The following RYR2 variants were observed in gnomAD, a reference collection of about 807,000 sequenced individuals.
The protein encoded by RYR2 is cardiac muscle ryanodine receptor-calcium release channel.
Under a neutral mutation model 601.1 loss-of-function variants are expected in RYR2, and 227 were observed. The ratio of observed to expected loss-of-function variants is 0.38; its 90% CI spans 0.34 to 0.42. RYR2 has a LOEUF of 0.42. Among genes scored for constraint, RYR2 ranks in the 10% least tolerant of loss-of-function variants. The pLI is 1.00. For missense variants in RYR2, 4,646 were observed against 6,156.5 expected (o/e 0.75, Z 8.21); for synonymous variants, 2,223 against 2,175.1 (o/e 1.02, Z -0.61).
At chr1:237,521,725 GA>G (rs11399117) in intron 24 of RYR2, among the ~76,000 whole-genome samples, 10,269 of 142,524 alleles carry the variant, frequency 0.072, 434 homozygotes, top group Middle Eastern at 0.19. Flanking sequence ...ATCTCAAAAA[GA>G]AAAAAAAAAT....
At chr1:237,201,576 T>G (rs904084491) in intron 1 of RYR2, among the ~76,000 whole-genome samples, 8 of 152,228 alleles carry the variant, frequency 5.3e-5, no homozygotes, top group Admixed American at 3.9e-4. Flanking sequence ...GTTTCAGTGC[T>G]TAGAGTAATT....
chr1:237,125,703 T>TA (rs1671333566), intron 1 of RYR2, among the ~76,000 whole-genome samples: 1 of 152,236 alleles, frequency 6.6e-6, no homozygotes, highest in African/African-American at 2.4e-5. Context: ...AAGTTCTTTG[T>TA]AAAAAACAAA....
At chr1:237,329,045 T>C (rs1696442380) in intron 2 of RYR2, among the ~76,000 whole-genome samples, 1 of 152,220 alleles carries the variant, frequency 6.6e-6, no homozygotes, top group Non-Finnish European at 1.5e-5. Flanking sequence ...ATTAATAACT[T>C]ACGGTTCTAA....
intron 2 of RYR2, among the ~76,000 whole-genome samples, chr1:237,309,575 G>A (rs919225276): frequency 6.6e-6 from 1 of 152,234 alleles, no homozygotes. Flanking sequence ...TCACCTACTG[G>A]ATCCCACACA....
rs569674647 is a variant in RYR2 at position 237,042,222 on chromosome 1, T to C, written c.-300T>C. On this transcript the variant is annotated 5_prime_UTR_variant, in exon 1 of 105. Transcript: ENST00000366574. ...AGCCGGGGCCGAGCGGACCGCCGGC[T>C]GCAGGCAGCGAGCGCGGCTGGGCTG... 255 of 160,048 alleles carry C rather than the reference T, an allele frequency of 1.6e-3. 1 individual carries two copies. The highest frequency in any genetic ancestry group is 2.7e-3 in the Non-Finnish European group (199 of 73,760). 9.9% of individuals were successfully genotyped at this position (160,048 alleles called of 1,614,324 possible).
chr1:237,701,329 G>C (rs1312591728), intron 65 of RYR2, among the ~76,000 whole-genome samples: 1 of 152,136 alleles, frequency 6.6e-6, no homozygotes, highest in Non-Finnish European at 1.5e-5. Context: ...TCAGGAGTTC[G>C]AGACCAGCCT....
At chr1:237,080,094 G>A (rs1665443765) in intron 1 of RYR2, among the ~76,000 whole-genome samples, 2 of 76,094 alleles carry the variant, frequency 2.6e-5, no homozygotes, top group South Asian at 5.3e-4. Context: ...AGCTGAAACT[G>A]GATCCCTTCC....
At chr1:237,214,047 G>A (rs958444791) in intron 1 of RYR2, among the ~76,000 whole-genome samples, 8 of 149,634 alleles carry the variant, frequency 5.3e-5, no homozygotes, top group Admixed American at 4.0e-4. Flanking sequence ...CAGTCTCCCA[G>A]GTAGCTGGGA....
In RYR2 at chr1:237,708,880, T is replaced by G; in HGVS notation, c.9924T>G (p.Asn3308Lys). Residue 3308 changes from asparagine to lysine, a missense_variant, in exon 69 of 105, where the codon AAT becomes AAG. Physicochemically the swap from Asn to Lys is moderately conservative, Grantham distance 94. Coordinates refer to ENST00000366574, the MANE Select transcript of RYR2 (RefSeq NM_001035.3). Reference protein sequence around the residue: ...RLAVFSQPIINKVKPQLLKTH... With the variant: ...RLAVFSQPIIKKVKPQLLKTH... ...CAGTGTTTTCCCAGCCTATAATAAA[T>G]AAAGTGAAACCTCAGCTCTTGAAAA... 6.2e-7 allele frequency: 1 copy of G among 1,610,926 alleles called. No homozygotes were observed. The highest frequency in any genetic ancestry group is 1.1e-5 in the South Asian group (1 of 90,752).
At chr1:237,423,277 A>G (rs1011098110) in intron 12 of RYR2, 29 bp downstream of exon 12, 5 of 1,604,030 alleles carry the variant, frequency 3.1e-6, no homozygotes, top group Middle Eastern at 1.7e-4. Flanking sequence ...TGGGTTTCCT[A>G]TAAATGTTAC....
At chr1:237,055,506 T>C (rs985074673) in intron 1 of RYR2, among the ~76,000 whole-genome samples, 4 of 151,880 alleles carry the variant, frequency 2.6e-5, no homozygotes, top group African/African-American at 9.7e-5. Context: ...GTTGTGGGAA[T>C]AGAAAGGAGC....
Position 237,590,943 on chromosome 1 carries a change from A to G in RYR2, c.4111A>G (p.Asn1371Asp). 1 of 1,613,880 alleles carries G rather than the reference A, an allele frequency of 6.2e-7. No homozygotes were observed. The highest frequency in any genetic ancestry group is 8.5e-7 in the Non-Finnish European group (1 of 1,179,810). The change falls in exon 31 of 105, where the codon AAC becomes GAC. Residue 1371 changes from asparagine (N) to aspartate (D), a missense_variant. Physicochemically the swap from Asn to Asp is conservative, Grantham distance 23. Transcript: ENST00000366574. ...CAAAGAAGCTACTAAACCAGAGTTT[A>G]ACAACCACAAAGATTATGCCCAGGA... Reference protein sequence around the residue: ...KDKEATKPEFNNHKDYAQEKP... With the variant: ...KDKEATKPEFDNHKDYAQEKP...
chr1:237,743,728 GT>G, intron 80 of RYR2: 1 of 449,884 alleles, frequency 2.2e-6, no homozygotes, highest in South Asian at 1.7e-5. Flanking sequence ...TGAAAAGGAG[GT>G]CTTGAAAATC....
chr1:237,543,042 C>A (rs1367379243), intron 25 of RYR2, among the ~76,000 whole-genome samples: 1 of 152,170 alleles, frequency 6.6e-6, no homozygotes, highest in Non-Finnish European at 1.5e-5. Flanking sequence ...GGCATAAGGG[C>A]TTTGTTCCTT....
At chr1:237,605,054 C>T (rs141202491) in intron 35 of RYR2, among the ~76,000 whole-genome samples, 29,399 of 152,002 alleles carry the variant, frequency 0.19, 3,252 homozygotes, top group East Asian at 0.47. Flanking sequence ...AAGAGGGAAT[C>T]CTCCCTAACT....
intron 27 of RYR2, among the ~76,000 whole-genome samples, chr1:237,558,517 T>C (rs1671134689): frequency 6.6e-6 from 1 of 152,208 alleles, no homozygotes; most frequent in Non-Finnish European, 1.5e-5. Context: ...GAGTTGCTTC[T>C]CTCTTGCTGT....
intron 1 of RYR2, among the ~76,000 whole-genome samples, chr1:237,084,572 G>T (rs187063602): frequency 2.6e-5 from 4 of 152,216 alleles, no homozygotes; most frequent in Non-Finnish European, 5.9e-5. Flanking sequence ...ATGGAAAGGC[G>T]GGGGAGGGGT....
chr1:237,453,318 A>G (rs1658427105), intron 14 of RYR2, among the ~76,000 whole-genome samples: 1 of 152,108 alleles, frequency 6.6e-6, no homozygotes, highest in African/African-American at 2.4e-5. Flanking sequence ...TACTGTTTCT[A>G]CTGTTTGATA....
At chr1:237,726,806 A>G (rs971376868) in intron 75 of RYR2, among the ~76,000 whole-genome samples, 10 of 152,228 alleles carry the variant, frequency 6.6e-5, no homozygotes, top group African/African-American at 1.9e-4. Flanking sequence ...TAGAGGTGAC[A>G]TAGCTTTGAA....
Sources: gnomAD v4.1 joint callset for allele counts (sites outside exome capture counted in the v4.1 genomes callset) on GRCh38, gnomAD v4.1.1 for gene constraint, MANE v1.5 for transcripts, NCBI Gene and HGNC (gene_info 2026-07-23, HGNC 2026-07-21) for gene names.